Variants in RAB10 observed in about 807,000 individuals in gnomAD.
RAB10 encodes the protein RAB10, member RAS oncogene family.
Under a neutral mutation model 25.7 loss-of-function variants are expected in RAB10, and 5 were observed. That is an observed-to-expected ratio of 0.19 (90% CI 0.10 to 0.41). The LOEUF is 0.41. RAB10 is among the 10% of genes least tolerant of loss of function. The pLI is 1.00. For synonymous variants in RAB10, 89 were observed against 86.4 expected, an observed-to-expected ratio of 1.03 and a Z score of -0.16; for missense variants, 103 against 245.8, an observed-to-expected ratio of 0.42 and a Z score of 3.89.
At chr2:26,050,262 A>G (rs1666103417) in intron 1 of RAB10, among the ~76,000 whole-genome samples, 1 of 152,206 alleles carries the variant, frequency 6.6e-6, no homozygotes, top group Admixed American at 6.6e-5. Flanking sequence ...ATAGAGTTCT[A>G]GGTTGAAAAC....
chr2:26,090,034 A>G (rs961542351), intron 1 of RAB10, among the ~76,000 whole-genome samples: 3 of 152,152 alleles, frequency 2.0e-5, no homozygotes, highest in Non-Finnish European at 2.9e-5. Context: ...TCCCACTCCC[A>G]GGAAAAATCC....
chr2:26,040,447 T>A (rs1463414095), intron 1 of RAB10, among the ~76,000 whole-genome samples: 1 of 152,080 alleles, frequency 6.6e-6, no homozygotes. Context: ...GAAGTTCACT[T>A]GAAGTCAGGA....
rs528428385 is a variant in RAB10 at position 26,081,430 on chromosome 2, T to C, written c.128-17232T>C. 4.3e-4 allele frequency among the ~76,000 whole-genome samples: 65 copies of C among 152,242 alleles called. 2 individuals carry two copies. In the South Asian group the frequency reaches 0.013, roughly 30 times the overall value. ...AGGGAAATTCTATGGAATACCTGAC[T>C]GTTAAATGTATGAAGGTCATGAAAG... On this transcript the variant is annotated intron_variant, in intron 1 of 5. Transcript: ENST00000264710.
At position 26,034,454 on chromosome 2, in the gene RAB10, C is replaced by T; in HGVS notation, c.-155C>T. The stretch of plus-strand genomic sequence containing the variant: ...GACGCCGCCACTGTCGGGGCTTCCT[C>T]AAAGCTGTTCGTAGGTCGCCCGCGC... On this transcript the variant is annotated 5_prime_UTR_variant, in exon 1 of 6. Transcript: ENST00000264710. 4 of 1,028,238 alleles carry T rather than the reference C, an allele frequency of 3.9e-6. No homozygotes were observed. In the Middle Eastern group the frequency reaches 9.5e-4, roughly 244 times the overall value. 63.7% of individuals were successfully genotyped at this position (1,028,238 alleles called of 1,614,324 possible). A position where few individuals can be genotyped will look rare whatever the true frequency, so the allele number is the denominator to read the frequency against.
intron 1 of RAB10, among the ~76,000 whole-genome samples, chr2:26,081,677 G>A (rs1666871718): frequency 6.6e-6 from 1 of 152,138 alleles, no homozygotes; most frequent in African/African-American, 2.4e-5. Context: ...GGATAAAGAG[G>A]TATTTGTGAA....
intron 2 of RAB10, among the ~76,000 whole-genome samples, chr2:26,099,580 G>A (rs1379550800): frequency 2.6e-5 from 3 of 115,840 alleles, no homozygotes; most frequent in African/African-American, 6.8e-5. Flanking sequence ...TCGCTCTGTC[G>A]CCCATGCTGG....
At chr2:26,055,351 A>G (rs1224168742) in intron 1 of RAB10, among the ~76,000 whole-genome samples, 1 of 151,284 alleles carries the variant, frequency 6.6e-6, no homozygotes, top group African/African-American at 2.4e-5. Flanking sequence ...TTTTTGAGAC[A>G]GTAGCTGGGA....
intron 1 of RAB10, among the ~76,000 whole-genome samples, chr2:26,057,160 G>T (rs13395488): frequency 6.6e-6 from 1 of 152,156 alleles, no homozygotes; most frequent in East Asian, 1.9e-4. Flanking sequence ...AACGTGTCCA[G>T]TAGACATTTG....
At chr2:26,112,321 C>T (rs1395244180) in intron 3 of RAB10, among the ~76,000 whole-genome samples, 1 of 152,156 alleles carries the variant, frequency 6.6e-6, no homozygotes, top group Admixed American at 6.5e-5. Context: ...TTCCAATCCT[C>T]TTATCACTTG....
intron 1 of RAB10, among the ~76,000 whole-genome samples, chr2:26,068,957 T>C (rs1666569277): frequency 5.3e-5 from 8 of 152,214 alleles, no homozygotes; most frequent in Admixed American, 4.6e-4. Flanking sequence ...CAGGAACTAC[T>C]GATGCACTGC....
intron 3 of RAB10, among the ~76,000 whole-genome samples, chr2:26,121,376 G>A (rs1460108915): frequency 6.6e-6 from 1 of 152,094 alleles, no homozygotes; most frequent in African/African-American, 2.4e-5. Context: ...AAGAGATGGG[G>A]ACTCGCAGTG....
chr2:26,044,506 G>A (rs12475854), intron 1 of RAB10, among the ~76,000 whole-genome samples: 113,465 of 151,958 alleles, frequency 0.75, 42,560 homozygotes, highest in East Asian at 0.87. Flanking sequence ...CTGGTGAGGT[G>A]AAGTAACTTC....
rs1011612417 is a variant in RAB10, at chr2:26,034,435, G to C, written c.-174G>C. On this transcript the variant is annotated 5_prime_UTR_variant, in exon 1 of 6. Transcript: ENST00000264710. The stretch of plus-strand genomic sequence containing the variant: ...GCCGCCCTCGGAGGCACTGGACGCC[G>C]CCACTGTCGGGGCTTCCTCAAAGCT... 2.4e-6 allele frequency: 2 copies of C among 821,218 alleles called. No individual in the cohort carries two copies. Among genetic ancestry groups the C allele is most frequent in the Admixed American group, 5.8e-5 (2 of 34,278 alleles). The allele number at this position is 821,218 out of a possible 1,614,324, so 50.9% of individuals were successfully genotyped here.
chr2:26,039,502 A>G (rs1405191933), intron 1 of RAB10, among the ~76,000 whole-genome samples: 2 of 148,590 alleles, frequency 1.3e-5, no homozygotes, highest in Non-Finnish European at 3.0e-5. Context: ...ACCCACTACC[A>G]CGCCCAGCTA....
chr2:26,075,366 C>T (rs1006245351), intron 1 of RAB10, among the ~76,000 whole-genome samples: 4 of 151,944 alleles, frequency 2.6e-5, no homozygotes, highest in Non-Finnish European at 1.5e-5. Flanking sequence ...CATGTATTGC[C>T]CGATACTGTT....
At chr2:26,104,177 G>A (rs1029839449) in intron 2 of RAB10, among the ~76,000 whole-genome samples, 1 of 152,140 alleles carries the variant, frequency 6.6e-6, no homozygotes, top group African/African-American at 2.4e-5. Flanking sequence ...TAACATGGCT[G>A]CATCATTTTA....
intron 2 of RAB10, 132 bp from the exon 3 acceptor site, chr2:26,109,636 G>T: frequency 1.1e-6 from 1 of 873,432 alleles, no homozygotes; most frequent in Non-Finnish European, 1.6e-6. Context: ...CATCCAGTAT[G>T]GGTAGGTTAT....
intron 2 of RAB10, among the ~76,000 whole-genome samples, chr2:26,102,999 A>G (rs1374585647): frequency 2.0e-5 from 3 of 152,220 alleles, no homozygotes; most frequent in Non-Finnish European, 4.4e-5. Flanking sequence ...TCACGTTGAC[A>G]TTATTGCAGC....
rs536645459 is a variant in RAB10, at chr2:26,051,993, G to A, written c.127+17258G>A. On this transcript the variant is annotated intron_variant, in intron 1 of 5. Coordinates refer to ENST00000264710, the MANE Select transcript of RAB10 (RefSeq NM_016131.5). ...AATCACTTGAACCCGGGAGGCGGAG[G>A]TTGCAGTGAGCTGAGATCCCGCCAC... Among the ~76,000 whole-genome samples, 6 of 151,490 alleles carry A rather than the reference G, an allele frequency of 4.0e-5. No individual in the cohort carries two copies. In the South Asian group the frequency reaches 1.2e-3, roughly 32 times the overall value.
Sources: gnomAD v4.1 joint callset for allele counts (sites outside exome capture counted in the v4.1 genomes callset) on GRCh38, gnomAD v4.1.1 for gene constraint, MANE v1.5 for transcripts, NCBI Gene and HGNC (gene_info 2026-07-23, HGNC 2026-07-21) for gene names.